GLIS3: variants seen among roughly 807,000 people sequenced by gnomAD.
GLIS3 encodes the protein GLIS family zinc finger 3.
In GLIS3, 53 loss-of-function variants were observed where a neutral mutation model predicts 78.6. The observed-to-expected ratio is 0.67, with a 90% CI of 0.54 to 0.85. The LOEUF is 0.85. Ranked by LOEUF, GLIS3 falls within the 40% of genes least tolerant of loss-of-function variation. The pLI is 0.00. For missense variants in GLIS3, 1,703 were observed against 1,231.1 expected (o/e 1.38, Z -5.74); for synonymous variants, 684 against 509.9 (o/e 1.34, Z -4.60).
chr9:4,390,695 G>A, the GLIS3 span, among the ~76,000 whole-genome samples: 1,880 of 152,310 alleles, frequency 0.012, 21 homozygotes, highest in Admixed American at 0.025. Context: ...AAGATCCAGA[G>A]TTGGTGGTGG....
intron 2 of GLIS3, among the ~76,000 whole-genome samples, chr9:4,325,583 C>T (rs1563933493): frequency 1.3e-5 from 2 of 152,186 alleles, no homozygotes; most frequent in African/African-American, 2.4e-5. Context: ...CTACTAATAA[C>T]CTCCAGGATG....
intron 1 of GLIS3, chr9:4,298,401 A>C: frequency 2.2e-6 from 1 of 456,330 alleles, no homozygotes; most frequent in Non-Finnish European, 4.4e-6. Flanking sequence ...AATCATCCAT[A>C]GGATGACAAA....
At chr9:3,920,160 C>T (rs1271386280) in intron 6 of GLIS3, among the ~76,000 whole-genome samples, 3 of 152,050 alleles carry the variant, frequency 2.0e-5, no homozygotes, top group Non-Finnish European at 2.9e-5. Flanking sequence ...CCCGCCACCA[C>T]ACCCGGCTAA....
chr9:4,242,478 A>T (rs899786426), intron 2 of GLIS3, among the ~76,000 whole-genome samples: 1 of 152,156 alleles, frequency 6.6e-6, no homozygotes, highest in African/African-American at 2.4e-5. Context: ...CCAAAGCCCC[A>T]CGTTCCACCA....
At chr9:4,075,158 G>A (rs1381714775) in intron 4 of GLIS3, among the ~76,000 whole-genome samples, 1 of 144,516 alleles carries the variant, frequency 6.9e-6, no homozygotes, top group Non-Finnish European at 1.5e-5. Context: ...TGCATTTACT[G>A]TGGCGATGGT....
intron 4 of GLIS3, among the ~76,000 whole-genome samples, chr9:4,049,928 C>A (rs1007706819): frequency 6.6e-6 from 1 of 151,970 alleles, no homozygotes; most frequent in African/African-American, 2.4e-5. Context: ...GAATGGTGAT[C>A]ATTAAAAAGT....
intron 2 of GLIS3, among the ~76,000 whole-genome samples, chr9:4,340,718 T>C (rs1817821981): frequency 6.6e-6 from 1 of 152,148 alleles, no homozygotes; most frequent in African/African-American, 2.4e-5. Context: ...AGACAGAGTC[T>C]CGCTCTGTCA....
chr9:4,364,756 C>CTTTTTTTTTTTTTTTTTT, the GLIS3 span, among the ~76,000 whole-genome samples: 5 of 61,098 alleles, frequency 8.2e-5, 1 homozygote, highest in African/African-American at 1.2e-4. Context: ...TCATGTATTG[C>CTTTTTTTTTTTTTTTTTT]TTTTTTTTTT....
Position 4,115,207 on chromosome 9 carries a change from T to C in GLIS3, c.1710+2561A>G, listed in dbSNP as rs991789217. On this transcript the variant is annotated intron_variant, in intron 4 of 10. Transcript: ENST00000381971. ...GGTCAATAAGCTAAGCAAGTGAAAA[T>C]GACTAACTCTATCATACACAGAAAA... is the stretch of plus-strand genomic sequence containing the variant. Among the ~76,000 whole-genome samples the C allele has an allele frequency of 3.4e-4, 52 of 152,160 alleles. 1 individual carries two copies. Among genetic ancestry groups the C allele is most frequent in the Admixed American group, 2.2e-3 (34 of 15,284 alleles).
At chr9:4,287,709 C>A (rs910037081) in intron 1 of GLIS3, among the ~76,000 whole-genome samples, 2 of 152,096 alleles carry the variant, frequency 1.3e-5, no homozygotes, top group African/African-American at 4.8e-5. Context: ...CATTTTTCAA[C>A]TCAACTTCCA....
the GLIS3 span, among the ~76,000 whole-genome samples, chr9:4,473,699 G>A: frequency 6.6e-6 from 1 of 151,872 alleles, no homozygotes; most frequent in East Asian, 1.9e-4. Flanking sequence ...TAATACCAGG[G>A]TGACAAAATA....
intron 2 of GLIS3, among the ~76,000 whole-genome samples, chr9:4,332,656 T>A (rs1301603206): frequency 1.3e-5 from 2 of 152,226 alleles, no homozygotes; most frequent in Non-Finnish European, 2.9e-5. Flanking sequence ...ACTACCAACC[T>A]ACCTCTGGAC....
At chr9:4,263,686 G>C (rs1825731885) in intron 2 of GLIS3, among the ~76,000 whole-genome samples, 1 of 152,222 alleles carries the variant, frequency 6.6e-6, no homozygotes, top group South Asian at 2.1e-4. Flanking sequence ...AAGGTCAGTA[G>C]TGACCTTCAT....
chr9:4,116,423 G>A (rs890675631), intron 4 of GLIS3, among the ~76,000 whole-genome samples: 4 of 152,184 alleles, frequency 2.6e-5, no homozygotes, highest in Non-Finnish European at 4.4e-5. Flanking sequence ...TGGCATTCTC[G>A]CAATGTATCA....
chr9:4,168,649 A>T (rs913857544), intron 2 of GLIS3, among the ~76,000 whole-genome samples: 1 of 152,214 alleles, frequency 6.6e-6, no homozygotes, highest in Non-Finnish European at 1.5e-5. Flanking sequence ...CAACATTTTT[A>T]CTTTAAAAAA....
chr9:3,850,603 C>T (rs943204534), intron 9 of GLIS3, among the ~76,000 whole-genome samples: 3 of 152,200 alleles, frequency 2.0e-5, no homozygotes, highest in Non-Finnish European at 4.4e-5. Flanking sequence ...TCCTACCTCT[C>T]CCATTCCAGT....
intron 1 of GLIS3, among the ~76,000 whole-genome samples, chr9:4,298,755 G>A (rs1816839202): frequency 1.3e-5 from 2 of 152,144 alleles, no homozygotes; most frequent in South Asian, 4.1e-4. Context: ...CTGGCGGCGT[G>A]GGAGGTTATA....
At chr9:3,915,867 G>A (rs1010470242) in intron 6 of GLIS3, among the ~76,000 whole-genome samples, 7 of 152,062 alleles carry the variant, frequency 4.6e-5, no homozygotes, top group African/African-American at 1.7e-4. Context: ...ATATGCTGAG[G>A]GAAGGAAAAA....
intron 2 of GLIS3, among the ~76,000 whole-genome samples, chr9:4,203,715 G>A (rs1305034339): frequency 9.2e-5 from 14 of 152,124 alleles, no homozygotes; most frequent in East Asian, 1.9e-4. Flanking sequence ...AGGTGCCCCC[G>A]TCAGTGGTGG....
Sources: gnomAD v4.1 joint callset for allele counts (sites outside exome capture counted in the v4.1 genomes callset) on GRCh38, gnomAD v4.1.1 for gene constraint, MANE v1.5 for transcripts, NCBI Gene and HGNC (gene_info 2026-07-23, HGNC 2026-07-21) for gene names.